The following TNFSF8 variants were observed in gnomAD, a reference collection of about 807,000 sequenced individuals.
The protein encoded by TNFSF8 is TNF superfamily member 8.
TNFSF8 carries 4 observed loss-of-function variants against 22.0 expected under a neutral mutation model. That is an observed-to-expected ratio of 0.18 (90% CI 0.09 to 0.42). The LOEUF (loss-of-function observed/expected upper bound fraction) is 0.42, where lower values mean the gene tolerates loss of function less well. Among genes scored for constraint, TNFSF8 ranks in the 10% least tolerant of loss-of-function variants. The pLI is 1.00. For synonymous variants in TNFSF8, 106 were observed against 112.5 expected (o/e 0.94, Z 0.37); for missense variants, 233 against 281.8 (o/e 0.83, Z 1.24).
intron 3 of TNFSF8, 98 bp downstream of exon 3, chr9:114,905,730 G>T: frequency 4.4e-6 from 4 of 915,432 alleles, no homozygotes; most frequent in Non-Finnish European, 7.2e-6. Context: ...GGTCACATTT[G>T]GCCATGGGAC....
intron 1 of TNFSF8, among the ~76,000 whole-genome samples, chr9:114,928,788 CCTT>C (rs1433509863): frequency 6.6e-6 from 1 of 152,162 alleles, no homozygotes; most frequent in Non-Finnish European, 1.5e-5. Context: ...ATTTGCAACT[CCTT>C]CTTTTCACTT....
rs2131340168 is a variant in TNFSF8 at position 114,902,502 on chromosome 9, A to G, written c.*1429T>C. 3.0e-6 allele frequency: 3 copies of G among 985,426 alleles called. No homozygotes were observed. Among genetic ancestry groups the G allele is most frequent in the Non-Finnish European group, 3.6e-6 (3 of 829,924 alleles). The allele number at this position is 985,426 out of a possible 1,614,324, so 61.0% of individuals were successfully genotyped here. ...GTCAGGCCTCGTCAGATGGTTTCCC[A>G]AACACCCAGATGGTCTCTTAGATTC... On this transcript the variant is annotated 3_prime_UTR_variant, in exon 4 of 4. Coordinates refer to ENST00000223795, the MANE Select transcript of TNFSF8 (RefSeq NM_001244.4).
chr9:114,894,052 C>T, exon 5 of TNFSF8: 3 of 1,525,956 alleles, frequency 2.0e-6, no homozygotes, highest in Non-Finnish European at 2.6e-6. Context: ...AGAAGCAGTT[C>T]TTGTCTGCAG....
chr9:114,915,334 C>CAG (rs1333408960), intron 2 of TNFSF8, among the ~76,000 whole-genome samples: 5 of 152,102 alleles, frequency 3.3e-5, no homozygotes, highest in African/African-American at 4.8e-5. Flanking sequence ...GAGACTCCTC[C>CAG]AGGGCATTTA....
intron 1 of TNFSF8, among the ~76,000 whole-genome samples, chr9:114,918,843 C>T (rs932102534): frequency 6.6e-6 from 1 of 152,190 alleles, no homozygotes; most frequent in Non-Finnish European, 1.5e-5. Context: ...TTGTGGTCCA[C>T]CCGCCTCAGC....
Position 114,902,114 on chromosome 9 carries a change from C to A in TNFSF8, c.*1817G>T. ...TCCATCTCAAACGGCTTGTCAAGGT[C>A]CTTCCACAAATAAGATGTTCCTCCA... is the stretch of plus-strand genomic sequence containing the variant. On this transcript the variant is annotated 3_prime_UTR_variant, in exon 4 of 4. Transcript: ENST00000223795. The A allele has an allele frequency of 1.0e-6, 1 of 985,294 alleles. No individual in the cohort carries two copies. The highest frequency in any genetic ancestry group is 1.2e-6 in the Non-Finnish European group (1 of 829,912). The allele number at this position is 985,294 out of a possible 1,614,324, so 61.0% of individuals were successfully genotyped here. A position where few individuals can be genotyped will look rare whatever the true frequency, so the allele number is the denominator to read the frequency against.
intron 1 of TNFSF8, among the ~76,000 whole-genome samples, chr9:114,929,702 T>A (rs952751178): frequency 6.6e-6 from 1 of 151,976 alleles, no homozygotes; most frequent in Non-Finnish European, 1.5e-5. Context: ...TTCCTTGATA[T>A]GGGTCTCTGG....
chr9:114,924,140 G>T (rs1283888065), intron 1 of TNFSF8, among the ~76,000 whole-genome samples: 1 of 152,138 alleles, frequency 6.6e-6, no homozygotes, highest in Non-Finnish European at 1.5e-5. Flanking sequence ...TTTTAGCTCG[G>T]TGCTTCTCAA....
chr9:114,915,515 AC>A (rs773088502), intron 2 of TNFSF8, among the ~76,000 whole-genome samples: 8 of 152,144 alleles, frequency 5.3e-5, no homozygotes, highest in Non-Finnish European at 1.2e-4. Context: ...AAAGTCAGGT[AC>A]TGCCTCCAGC....
chr9:114,924,139 G>A (rs545389469), intron 1 of TNFSF8, among the ~76,000 whole-genome samples: 31 of 152,230 alleles, frequency 2.0e-4, no homozygotes, highest in African/African-American at 5.3e-4. Context: ...ATTTTAGCTC[G>A]GTGCTTCTCA....
At chr9:114,916,649 C>T (rs1827922752) in intron 2 of TNFSF8, among the ~76,000 whole-genome samples, 1 of 152,194 alleles carries the variant, frequency 6.6e-6, no homozygotes, top group South Asian at 2.1e-4. Flanking sequence ...AAACATCTGT[C>T]TCCAAAGCCT....
intron 2 of TNFSF8, among the ~76,000 whole-genome samples, chr9:114,906,986 G>T (rs141270167): frequency 8.5e-5 from 13 of 152,164 alleles, no homozygotes; most frequent in African/African-American, 3.1e-4. Context: ...GGCAGCCAAC[G>T]GCCCATTCAA....
chr9:114,903,371 A>T lies in TNFSF8; in HGVS notation c.*560T>A, dbSNP rs1827741265. 1.3e-5 allele frequency: 2 copies of T among 152,442 alleles called. No individual in the cohort carries two copies. The highest frequency in any genetic ancestry group is 2.9e-5 in the Non-Finnish European group (2 of 68,212). The allele number at this position is 152,442 out of a possible 1,614,324, so 9.4% of individuals were successfully genotyped here. On this transcript the variant is annotated 3_prime_UTR_variant, in exon 4 of 4. Transcript: ENST00000223795. The stretch of plus-strand genomic sequence containing the variant: ...GCCTCCTAGTGCCAGAGTGACAGTC[A>T]GACAGGCATAAACTGGGCATGGTTC...
Position 114,904,218 on chromosome 9 carries a change from A to G in TNFSF8, c.418T>C (p.Phe140Leu). The G allele has an allele frequency of 6.2e-7, 1 of 1,614,164 alleles. No individual in the cohort carries two copies. The highest frequency in any genetic ancestry group is 8.5e-7 in the Non-Finnish European group (1 of 1,179,996). ...NLVIQFPGLY[F>L]IICQLQFLVQ... is the part of the protein sequence containing the mutation. ...AGAAACTGCAGTTGGCAAATGATGA[A>G]GTACAAACCAGGGAATTGGATCACC... Residue 140 changes from phenylalanine to leucine, a missense_variant, in exon 4 of 4, where the codon TTC (phenylalanine) becomes CTC (leucine). Coordinates refer to ENST00000223795, the MANE Select transcript of TNFSF8 (RefSeq NM_001244.4).
At chr9:114,927,563 T>C (rs910755235) in intron 1 of TNFSF8, among the ~76,000 whole-genome samples, 1 of 152,022 alleles carries the variant, frequency 6.6e-6, no homozygotes, top group Non-Finnish European at 1.5e-5. Context: ...TCCCCAGGAG[T>C]TTTTCTTAAA....
chr9:114,896,608 A>C (rs1033194189), downstream of TNFSF8, among the ~76,000 whole-genome samples: 18 of 152,316 alleles, frequency 1.2e-4, no homozygotes, highest in Admixed American at 7.8e-4. Context: ...TATGTACACT[A>C]TTTTTGTGTC....
intron 2 of TNFSF8, among the ~76,000 whole-genome samples, chr9:114,913,618 T>C (rs1261451289): frequency 1.3e-5 from 2 of 152,180 alleles, no homozygotes; most frequent in African/African-American, 4.8e-5. Flanking sequence ...TTTGCGGTAC[T>C]GAGTTTTCCC....
chr9:114,902,644 A>T lies in TNFSF8; in HGVS notation c.*1287T>A. On this transcript the variant is annotated 3_prime_UTR_variant, in exon 4 of 4. Coordinates refer to ENST00000223795, the MANE Select transcript of TNFSF8 (RefSeq NM_001244.4). Reference sequence around the variant, plus strand: ...TTCTGGCTCTGCTGAGATGAGATGCAGTCAGGTGTTACTAGTGTCTTCAAT... The same window carrying T: ...TTCTGGCTCTGCTGAGATGAGATGCTGTCAGGTGTTACTAGTGTCTTCAAT... 1 of 985,350 alleles carries T rather than the reference A, an allele frequency of 1.0e-6. No homozygotes were observed. The highest frequency in any genetic ancestry group is 1.2e-6 in the Non-Finnish European group (1 of 829,906). 61.0% of individuals were successfully genotyped at this position (985,350 alleles called of 1,614,324 possible). A position where few individuals can be genotyped will look rare whatever the true frequency, so the allele number is the denominator to read the frequency against.
intron 2 of TNFSF8, among the ~76,000 whole-genome samples, chr9:114,910,191 G>A (rs1030299233): frequency 1.3e-5 from 2 of 152,202 alleles, no homozygotes; most frequent in African/African-American, 4.8e-5. Context: ...AGAGAAAGAT[G>A]TGCCAACAAA....
Sources: gnomAD v4.1 joint callset for allele counts (sites outside exome capture counted in the v4.1 genomes callset) on GRCh38, gnomAD v4.1.1 for gene constraint, MANE v1.5 for transcripts, NCBI Gene and HGNC (gene_info 2026-07-23, HGNC 2026-07-21) for gene names.